SLC6A2: variants seen among roughly 807,000 people sequenced by gnomAD.
The protein encoded by SLC6A2 is sodium-dependent noradrenaline transporter.
SLC6A2 carries 26 observed loss-of-function variants against 71.7 expected under a neutral mutation model. That is an observed-to-expected ratio of 0.36 (90% CI 0.27 to 0.50). SLC6A2 has a LOEUF of 0.50. Among genes scored for constraint, SLC6A2 ranks in the 20% least tolerant of loss-of-function variants. The pLI is 0.96. For synonymous variants in SLC6A2, 363 were observed against 337.9 expected (o/e 1.07, Z -0.82); for missense variants, 581 against 803.9 (o/e 0.72, Z 3.35).
chr16:55,695,841 C>G (rs1187831829), intron 8 of SLC6A2, among the ~76,000 whole-genome samples: 1 of 152,212 alleles, frequency 6.6e-6, no homozygotes, highest in Non-Finnish European at 1.5e-5. Flanking sequence ...AGCTCTGGAG[C>G]TTGTGTCCTT....
At position 55,689,187 on chromosome 16, in the gene SLC6A2, A is replaced by G. The variant is rs116016200; in HGVS notation, c.784-2731A>G. Among the ~76,000 whole-genome samples the G allele has an allele frequency of 5.6e-3, 849 of 152,304 alleles. 11 individuals are homozygous for G. Among genetic ancestry groups the G allele is most frequent in the African/African-American group, 0.019 (803 of 41,568 alleles). On this transcript the variant is annotated intron_variant, in intron 5 of 14. Coordinates refer to ENST00000568943, the MANE Select transcript of SLC6A2 (RefSeq NM_001172501.3). The stretch of plus-strand genomic sequence containing the variant: ...TCTTCTGTTTACCCATTGTGCATTC[A>G]GGGCACATTTGAGCATGAGTGAACT...
chr16:55,666,537 A>G (rs1173498251), intron 2 of SLC6A2, among the ~76,000 whole-genome samples: 1 of 152,174 alleles, frequency 6.6e-6, no homozygotes, highest in Admixed American at 6.5e-5. Flanking sequence ...CTGTTTTTTC[A>G]TTCCTACTTA....
intron 5 of SLC6A2, among the ~76,000 whole-genome samples, chr16:55,687,514 A>G (rs1965491372): frequency 6.6e-6 from 1 of 152,182 alleles, no homozygotes; most frequent in African/African-American, 2.4e-5. Context: ...AAGGAACTAC[A>G]TGAGCAAAAC....
intron 4 of SLC6A2, among the ~76,000 whole-genome samples, chr16:55,672,513 G>A (rs1964954654): frequency 6.6e-6 from 1 of 152,228 alleles, no homozygotes; most frequent in Non-Finnish European, 1.5e-5. Context: ...AACCAGGTAT[G>A]TGGGAAAAAT....
In SLC6A2 at chr16:55,706,073, C is replaced by G. The variant is rs1029082581; in HGVS notation, c.*3727C>G. The G allele has an allele frequency of 1.3e-5, 2 of 152,258 alleles. No homozygotes were observed. The highest frequency in any genetic ancestry group is 2.9e-5 in the Non-Finnish European group (2 of 68,070). The allele number at this position is 152,258 out of a possible 1,614,324, so 9.4% of individuals were successfully genotyped here. A position where few individuals can be genotyped will look rare whatever the true frequency, so the allele number is the denominator to read the frequency against. ...AAAGACTGTTTCAATTGTGTCCTCT[C>G]TGTGTCATGGACTGTTCCAATGTCA... is the stretch of plus-strand genomic sequence containing the variant. On this transcript the variant is annotated 3_prime_UTR_variant, in exon 15 of 15. Coordinates refer to ENST00000568943, the MANE Select transcript of SLC6A2 (RefSeq NM_001172501.3).
chr16:55,702,245 C>A, intron 14 of SLC6A2, 78 bp from the exon 15 acceptor site: 1 of 1,410,432 alleles, frequency 7.1e-7, no homozygotes, highest in Non-Finnish European at 1.0e-6. Context: ...CTCTCTACCT[C>A]CTGCTGCCCC....
At chr16:55,673,150 G>A (rs994019271) in intron 4 of SLC6A2, among the ~76,000 whole-genome samples, 6 of 152,134 alleles carry the variant, frequency 3.9e-5, no homozygotes, top group Admixed American at 1.3e-4. Context: ...TGAAAAGTAC[G>A]GTCAGTTACT....
Position 55,702,189 on chromosome 16 carries a change from G to C in SLC6A2, c.1831-134G>C, listed in dbSNP as rs2142640833. Reference sequence around the variant, plus strand: ...TCTGTGACAATTAGGGAATCAACTTGCACGTTCCCTGAGGTCCGTGAAGGA... The same window carrying C: ...TCTGTGACAATTAGGGAATCAACTTCCACGTTCCCTGAGGTCCGTGAAGGA... On this transcript the variant is annotated intron_variant, in intron 14 of 14. Coordinates refer to ENST00000568943, the MANE Select transcript of SLC6A2 (RefSeq NM_001172501.3). 12 of 941,468 alleles carry C rather than the reference G, an allele frequency of 1.3e-5. No individual in the cohort carries two copies. In the South Asian group the frequency reaches 1.6e-4, roughly 12 times the overall value. 58.3% of individuals were successfully genotyped at this position (941,468 alleles called of 1,614,324 possible).
rs77593957 is a variant in SLC6A2 at position 55,676,638 on chromosome 16, A to G, written c.644+4463A>G. ...TTATGTTGGCCTCTACCCATTATAC[A>G]TGTTTGTTATTATGCAGAAATATTG... On this transcript the variant is annotated intron_variant, in intron 4 of 14. Coordinates refer to ENST00000568943, the MANE Select transcript of SLC6A2 (RefSeq NM_001172501.3). Among the ~76,000 whole-genome samples the G allele has an allele frequency of 1.2e-4, 18 of 152,298 alleles. No individual in the cohort carries two copies. The East Asian group carries it at 3.5e-3, about 29-fold the overall frequency.
At chr16:55,669,791 T>A in intron 3 of SLC6A2, 95 bp downstream of exon 3, 1 of 1,366,538 alleles carries the variant, frequency 7.3e-7, no homozygotes, top group Non-Finnish European at 1.0e-6. Context: ...AAGGTAGACC[T>A]CCTGTCATGT....
chr16:55,705,998 C>A lies in SLC6A2; in HGVS notation c.*3652C>A. The A allele has an allele frequency of 6.6e-6, 1 of 152,372 alleles. No individual in the cohort carries two copies. Among genetic ancestry groups the A allele is most frequent in the Non-Finnish European group, 1.5e-5 (1 of 68,068 alleles). The allele number at this position is 152,372 out of a possible 1,614,324, so 9.4% of individuals were successfully genotyped here. On this transcript the variant is annotated 3_prime_UTR_variant, in exon 15 of 15. Transcript: ENST00000568943. ...TGAAACATTGGTGAATGTGAAGTCA[C>A]TTTTGGGGTGCCTGCCCTCATCCCT...
chr16:55,700,218 T>C lies in SLC6A2; in HGVS notation c.1670T>C (p.Val557Ala), dbSNP rs764998797. ...ATCTTCCCGCCCTGGGCCAACTGGGTGGGGTGGGGCATCGCCCTGTCCTCC... is the reference window on the plus strand; with the variant it reads ...ATCTTCCCGCCCTGGGCCAACTGGGCGGGGTGGGGCATCGCCCTGTCCTCC... ...DYIFPPWANW[V>A]GWGIALSSMV... Residue 557 changes from valine (V) to alanine (A), a missense_variant, in exon 13 of 15, where the codon GTG becomes GCG. By Grantham distance (64) the Val-to-Ala change is moderately conservative. Coordinates refer to ENST00000568943, the MANE Select transcript of SLC6A2 (RefSeq NM_001172501.3). 5.0e-6 allele frequency: 8 copies of C among 1,613,774 alleles called. No individual in the cohort carries two copies. The highest frequency in any genetic ancestry group is 6.8e-6 in the Non-Finnish European group (8 of 1,179,778).
intron 14 of SLC6A2, 117 bp from the exon 15 acceptor site, chr16:55,702,206 C>T (rs548017824): frequency 2.9e-5 from 30 of 1,023,878 alleles, no homozygotes; most frequent in African/African-American, 2.5e-4. Context: ...CCCTGAGGTC[C>T]GTGAAGGAAG....
intron 4 of SLC6A2, among the ~76,000 whole-genome samples, chr16:55,684,593 T>C (rs551165186): frequency 3.5e-4 from 53 of 152,342 alleles, no homozygotes; most frequent in African/African-American, 1.2e-3. Flanking sequence ...GATTCAGCAA[T>C]ATGGACCTTT....
intron 4 of SLC6A2, among the ~76,000 whole-genome samples, chr16:55,684,747 G>A (rs1034449226): frequency 1.9e-4 from 29 of 152,154 alleles, no homozygotes; most frequent in African/African-American, 5.8e-4. Flanking sequence ...AATATCCTCC[G>A]GGGTGGGGGT....
At chr16:55,675,003 T>G (rs1965041343) in intron 4 of SLC6A2, among the ~76,000 whole-genome samples, 1 of 152,228 alleles carries the variant, frequency 6.6e-6, no homozygotes, top group East Asian at 1.9e-4. Flanking sequence ...TCGGCAGCCT[T>G]GCCAGCATCT....
At chr16:55,690,499 A>G (rs879519) in intron 5 of SLC6A2, among the ~76,000 whole-genome samples, 72,180 of 152,052 alleles carry the variant, frequency 0.47, 17,339 homozygotes, top group East Asian at 0.71. Flanking sequence ...CTGGGGCTAC[A>G]TAGTTCCAGG....
chr16:55,660,016 T>C (rs1964567520), intron 2 of SLC6A2, among the ~76,000 whole-genome samples: 3 of 152,152 alleles, frequency 2.0e-5, no homozygotes, highest in Admixed American at 2.0e-4. Context: ...TGATGATGTA[T>C]GAAATGGATG....
At chr16:55,671,810 G>A (rs1398240490) in intron 3 of SLC6A2, 128 bp from the exon 4 acceptor site, 4 of 1,509,918 alleles carry the variant, frequency 2.6e-6, no homozygotes, top group Non-Finnish European at 3.6e-6. Flanking sequence ...GAAAAGGTTG[G>A]GGACCGCTGT....
Sources: gnomAD v4.1 joint callset for allele counts (sites outside exome capture counted in the v4.1 genomes callset) on GRCh38, gnomAD v4.1.1 for gene constraint, MANE v1.5 for transcripts, NCBI Gene and HGNC (gene_info 2026-07-23, HGNC 2026-07-21) for gene names.